Variants in EEF1AKMT3 observed in about 807,000 individuals in gnomAD.
EEF1AKMT3 encodes the protein EEF1A lysine methyltransferase 3, also known as eEF1A-KMT3.
In EEF1AKMT3, 17 loss-of-function variants were observed where a neutral mutation model predicts 17.8. The ratio of observed to expected loss-of-function variants is 0.96; its 90% confidence interval spans 0.65 to 1.43. The LOEUF is 1.43. Among genes scored for constraint, EEF1AKMT3 ranks in the 40% most tolerant of loss-of-function variants. The pLI is 0.00. For missense variants in EEF1AKMT3, 244 were observed against 285.8 expected (o/e 0.85, Z 1.06); for synonymous variants, 116 against 126.5 (o/e 0.92, Z 0.56).
At position 57,780,934 on chromosome 12, in the gene EEF1AKMT3, AG is replaced by A. The variant is rs1595131818; in HGVS notation, c.*293del. 4.1e-6 allele frequency: 2 copies of A among 482,708 alleles called. No individual in the cohort carries two copies. Among genetic ancestry groups the A allele is most frequent in the East Asian group, 8.1e-5 (2 of 24,790 alleles). 29.9% of individuals were successfully genotyped at this position (482,708 alleles called of 1,614,324 possible). ...GGATGGTAAGGTATCCAGGATTTTT[AG>A]GGGGTAAGGGAGATATATGGGATGT... On this transcript the variant is annotated 3_prime_UTR_variant, in exon 3 of 3. Transcript: ENST00000300209.
At chr12:57,773,215 A>G in intron 2 of EEF1AKMT3, 87 bp downstream of exon 2, 1 of 1,307,948 alleles carries the variant, frequency 7.6e-7, no homozygotes, top group Non-Finnish European at 1.1e-6. Flanking sequence ...GGGAGAGGGG[A>G]GAACTTTGGG....
intron 2 of EEF1AKMT3, among the ~76,000 whole-genome samples, chr12:57,774,013 G>C (rs963062540): frequency 6.6e-6 from 1 of 152,136 alleles, no homozygotes. Flanking sequence ...GGAAAAATTT[G>C]CTTCTCTTTT....
rs753553120 is a variant in EEF1AKMT3, at chr12:57,772,937, G to C, written c.177+36G>C. ...GGCTGCGCCGGGTGAGGGTCCGTGG[G>C]AGGTCCAGATCCCGGACTCCGCCTC... On this transcript the variant is annotated intron_variant, in intron 1 of 2. Coordinates refer to ENST00000300209, the MANE Select transcript of EEF1AKMT3 (RefSeq NM_015433.3). This position sits in a 1 kb window ranked among gnomAD's most constrained non-coding sequence, Gnocchi z 4.1. 1 of 1,613,248 alleles carries C rather than the reference G, an allele frequency of 6.2e-7. No individual in the cohort carries two copies. Among genetic ancestry groups the C allele is most frequent in the African/African-American group, 1.3e-5 (1 of 75,046 alleles).
At chr12:57,774,881 G>A (rs1293713282) in intron 2 of EEF1AKMT3, 14 of 932,238 alleles carry the variant, frequency 1.5e-5, no homozygotes, top group South Asian at 3.3e-5. Flanking sequence ...CGAGGCAGGC[G>A]GATTACCTGA....
intron 2 of EEF1AKMT3, among the ~76,000 whole-genome samples, chr12:57,778,673 C>A (rs1313489122): frequency 6.6e-6 from 1 of 152,098 alleles, no homozygotes; most frequent in African/African-American, 2.4e-5. Context: ...GTTGACTCTA[C>A]CTTCAAAATA....
intron 2 of EEF1AKMT3, chr12:57,774,711 T>C (rs752410671): frequency 4.1e-5 from 66 of 1,613,062 alleles, no homozygotes; most frequent in Non-Finnish European, 5.2e-5. Flanking sequence ...CCTGTGGACA[T>C]GCTCTATCCA....
chr12:57,777,925 A>G (rs1955489699), intron 2 of EEF1AKMT3, among the ~76,000 whole-genome samples: 4 of 151,628 alleles, frequency 2.6e-5, no homozygotes, highest in South Asian at 2.1e-4. Flanking sequence ...AGGCTGAGGC[A>G]GGAGAATTGC....
intron 2 of EEF1AKMT3, 102 bp from the exon 3 acceptor site, chr12:57,780,153 C>T: frequency 7.0e-7 from 1 of 1,438,518 alleles, no homozygotes; most frequent in African/African-American, 1.4e-5. Context: ...GCTGTCAAGA[C>T]ATTGTCCTCT....
Position 57,780,524 on chromosome 12 carries a change from G to C in EEF1AKMT3, c.559G>C (p.Gly187Arg). 2.5e-6 allele frequency: 4 copies of C among 1,614,014 alleles called. No homozygotes were observed. The highest frequency in any genetic ancestry group is 2.5e-6 in the Non-Finnish European group (3 of 1,179,898). The stretch of plus-strand genomic sequence containing the variant: ...GGCCTCCAAGATGAGAAAGGAGCAT[G>C]GGACAGAGAGCTTCTTTCAGCACCT... ...YLASKMRKEH[G>R]TESFFQHLLP... Residue 187 changes from glycine (G) to arginine (R), a missense_variant, in exon 3 of 3, where the codon GGG becomes CGG. Physicochemically the swap from Gly to Arg is moderately radical, Grantham distance 125. Coordinates refer to ENST00000300209, the MANE Select transcript of EEF1AKMT3 (RefSeq NM_015433.3).
chr12:57,775,354 C>T (rs1595128604), intron 2 of EEF1AKMT3, among the ~76,000 whole-genome samples: 1 of 151,502 alleles, frequency 6.6e-6, no homozygotes, highest in Non-Finnish European at 1.5e-5. Context: ...CAGCAATCAC[C>T]CAGTCCTATG....
chr12:57,773,806 T>A (rs1474786920), intron 2 of EEF1AKMT3, among the ~76,000 whole-genome samples: 1 of 152,184 alleles, frequency 6.6e-6, no homozygotes, highest in Admixed American at 6.5e-5. Flanking sequence ...AAGATGCACA[T>A]ATGGGGGTAC....
At position 57,774,745 on chromosome 12, in the gene EEF1AKMT3, T is replaced by C. The variant is rs764064149; in HGVS notation, c.289+1617T>C. 20 of 1,611,092 alleles carry C rather than the reference T, an allele frequency of 1.2e-5. No homozygotes were observed. In the Admixed American group the frequency reaches 3.4e-4, roughly 27 times the overall value. On this transcript the variant is annotated intron_variant, in intron 2 of 2. Transcript: ENST00000300209. ...CATGTCTACCATGACTCCCTGGGAA[T>C]CCATCAAGGGAAGCTCTGTCAGGTG...
chr12:57,774,153 T>C (rs1955465227), intron 2 of EEF1AKMT3, among the ~76,000 whole-genome samples: 1 of 152,232 alleles, frequency 6.6e-6, no homozygotes, highest in Admixed American at 6.5e-5. Flanking sequence ...TAAATTAACA[T>C]GTCTTTGTTC....
intron 2 of EEF1AKMT3, among the ~76,000 whole-genome samples, chr12:57,778,832 A>G (rs910794129): frequency 6.0e-5 from 9 of 150,714 alleles, no homozygotes; most frequent in Admixed American, 3.3e-4. Context: ...AGCAGCCAGC[A>G]TGCTCCTCCT....
rs1955504557 is a variant in EEF1AKMT3 at position 57,780,314 on chromosome 12, C to A, written c.349C>A (p.Gln117Lys). The part of the protein sequence containing the change: ...LALEQIQGNV[Q>K]ANVPAGGQAQ... ...CCTAGAACAGATCCAGGGCAACGTC[C>A]AGGCCAATGTGCCAGCTGGAGGCCA... is the stretch of plus-strand genomic sequence containing the variant. The change falls in exon 3 of 3, where the codon CAG becomes AAG. Residue 117 changes from glutamine (Q) to lysine (K), a missense_variant. Coordinates refer to ENST00000300209, the MANE Select transcript of EEF1AKMT3 (RefSeq NM_015433.3). 3 of 1,614,056 alleles carry A rather than the reference C, an allele frequency of 1.9e-6. No individual in the cohort carries two copies. Among genetic ancestry groups the A allele is most frequent in the Non-Finnish European group, 1.7e-6 (2 of 1,180,038 alleles).
chr12:57,774,871 C>A, intron 2 of EEF1AKMT3: 2 of 1,059,234 alleles, frequency 1.9e-6, no homozygotes, highest in Non-Finnish European at 2.7e-6. Context: ...TTTGGGAGGC[C>A]GAGGCAGGCG....
chr12:57,779,672 G>A (rs1476872669), intron 2 of EEF1AKMT3, among the ~76,000 whole-genome samples: 1 of 152,190 alleles, frequency 6.6e-6, no homozygotes, highest in Middle Eastern at 3.4e-3. Context: ...ACCCGTTTCT[G>A]CCCTTAAAGC....
Position 57,773,091 on chromosome 12 carries a change from G to C in EEF1AKMT3, c.252G>C (p.Ala84=). Residue 84 remains alanine (A), a synonymous_variant, in exon 2 of 3, where the codon GCG becomes GCC. Coordinates refer to ENST00000300209, the MANE Select transcript of EEF1AKMT3 (RefSeq NM_015433.3). ...GCAAGAAGGTGATCGAACTGGGTGC[G>C]GGGACAGGCATCGTGGGGATCTTGG... ...FRGKKVIELG[A]GTGIVGILAA... The C allele has an allele frequency of 1.2e-6, 2 of 1,614,138 alleles. No homozygotes were observed. Among genetic ancestry groups the C allele is most frequent in the Non-Finnish European group, 1.7e-6 (2 of 1,180,024 alleles).
chr12:57,776,097 C>A (rs1027741686), intron 2 of EEF1AKMT3, among the ~76,000 whole-genome samples: 4 of 152,194 alleles, frequency 2.6e-5, no homozygotes, highest in Non-Finnish European at 5.9e-5. Flanking sequence ...AAACTGTAAT[C>A]ATGTATTCCC....
Sources: allele counts gnomAD v4.1 joint callset (sites outside exome capture counted in the v4.1 genomes callset), GRCh38; gene constraint gnomAD v4.1.1; non-coding constraint Gnocchi (gnomAD v3.1); transcripts MANE v1.5; gene names NCBI Gene and HGNC (gene_info 2026-07-23, HGNC 2026-07-21).